Variants in LCMT1 observed in about 807,000 individuals in gnomAD.
The protein encoded by LCMT1 is [Phosphatase 2A protein]-leucine-carboxy methyltransferase 1.
LCMT1 carries 32 observed loss-of-function variants against 47.7 expected under a neutral mutation model. The observed-to-expected ratio is 0.67, with a 90% CI of 0.51 to 0.90. The LOEUF is 0.90. Ranked by LOEUF, LCMT1 falls within the 40% of genes least tolerant of loss-of-function variation. The pLI is 0.00. For missense variants in LCMT1, 375 were observed against 415.2 expected (o/e 0.90, Z 0.84); for synonymous variants, 152 against 149.7 (o/e 1.02, Z -0.11).
In LCMT1 at chr16:25,128,457, C is replaced by CT; in HGVS notation, c.114-12dup. On this transcript the variant is annotated splice_polypyrimidine_tract_variant and intron_variant, in intron 1 of 10. Transcript: ENST00000399069. ...TACTCAATCTCTACTCACCTTCCTCCTTTTTTCTCCCTTCCAGGTTTGCAG... is the reference window on the plus strand; with the variant it reads ...TACTCAATCTCTACTCACCTTCCTCCTTTTTTTCTCCCTTCCAGGTTTGCAG... 1 of 1,586,256 alleles carries CT rather than the reference C, an allele frequency of 6.3e-7. No individual in the cohort carries two copies. Among genetic ancestry groups the CT allele is most frequent in the Non-Finnish European group, 8.6e-7 (1 of 1,162,100 alleles).
At chr16:25,162,588 CA>C (rs542231545) in intron 6 of LCMT1, among the ~76,000 whole-genome samples, 857 of 78,746 alleles carry the variant, frequency 0.011, 2 homozygotes, top group Non-Finnish European at 0.013. Context: ...GACTCCATCT[CA>C]AAAAAAAAAA....
chr16:25,111,919 CT>C lies in LCMT1; in HGVS notation c.37del (p.Cys13AlafsTer29). The C allele has an allele frequency of 6.2e-7, 1 of 1,613,552 alleles. No individual in the cohort carries two copies. Among genetic ancestry groups the C allele is most frequent in the Non-Finnish European group, 8.5e-7 (1 of 1,179,698 alleles). The stretch of plus-strand genomic sequence containing the variant: ...GGCAGAGGGAATCCTCTATCACCTC[CT>C]GCTGTTCCACCTCGAGCTGCGACGC... ...TRQRESSITS[C>X]CSTSSCDADD... On this transcript the variant is annotated frameshift_variant, in exon 1 of 11. Coordinates refer to ENST00000399069, the MANE Select transcript of LCMT1 (RefSeq NM_016309.3). LOFTEE classifies it high-confidence loss of function.
chr16:25,176,483 A>G (rs920544783), intron 10 of LCMT1, among the ~76,000 whole-genome samples: 4 of 142,720 alleles, frequency 2.8e-5, no homozygotes, highest in Admixed American at 7.2e-5. Flanking sequence ...TTGCCTAGCT[A>G]TGCAGCTCAG....
At chr16:25,167,710 T>C (rs888124863) in intron 7 of LCMT1, among the ~76,000 whole-genome samples, 7 of 152,202 alleles carry the variant, frequency 4.6e-5, no homozygotes, top group African/African-American at 1.7e-4. Context: ...AGATTTTGCT[T>C]ACTATATAGC....
In LCMT1 at chr16:25,111,780, C is replaced by T. The variant is rs1282450506; in HGVS notation, c.-104C>T. On this transcript the variant is annotated 5_prime_UTR_variant, in exon 1 of 11. Transcript: ENST00000399069. Reference sequence around the variant, plus strand: ...GCCAGCTGAGCCAGGTAGGGCCCTACCCTCTTCTGTTGCTTTCTCCCTGTG... The same window carrying T: ...GCCAGCTGAGCCAGGTAGGGCCCTATCCTCTTCTGTTGCTTTCTCCCTGTG... 13 of 777,670 alleles carry T rather than the reference C, an allele frequency of 1.7e-5. No homozygotes were observed. The highest frequency in any genetic ancestry group is 8.6e-5 in the African/African-American group (5 of 58,438). 48.2% of individuals were successfully genotyped at this position (777,670 alleles called of 1,614,324 possible). A position where few individuals can be genotyped will look rare whatever the true frequency, so the allele number is the denominator to read the frequency against.
intron 1 of LCMT1, 83 bp from the exon 2 acceptor site, chr16:25,128,392 C>A (rs1236431974): frequency 2.0e-6 from 2 of 995,306 alleles, no homozygotes; most frequent in Non-Finnish European, 3.0e-6. Context: ...GTTCCTTGAT[C>A]TGGTTCCTGG....
chr16:25,124,170 C>G (rs1396288734), intron 1 of LCMT1, among the ~76,000 whole-genome samples: 1 of 152,176 alleles, frequency 6.6e-6, no homozygotes, highest in Non-Finnish European at 1.5e-5. Context: ...TTTCAGGAAA[C>G]TCTACACAGT....
intron 6 of LCMT1, among the ~76,000 whole-genome samples, chr16:25,163,647 A>G (rs1283695028): frequency 6.6e-6 from 1 of 152,152 alleles, no homozygotes; most frequent in East Asian, 1.9e-4. Flanking sequence ...AGCTAATGAC[A>G]TTCGATTGTT....
intron 4 of LCMT1, chr16:25,142,516 C>T (rs1960724747): frequency 6.6e-6 from 1 of 152,256 alleles, no homozygotes; most frequent in African/African-American, 2.4e-5. Context: ...CCCCTCTGAG[C>T]CTGGGGATGA....
At chr16:25,131,185 A>G (rs1960340700) in intron 2 of LCMT1, among the ~76,000 whole-genome samples, 1 of 152,246 alleles carries the variant, frequency 6.6e-6, no homozygotes, top group Non-Finnish European at 1.5e-5. Context: ...TGGGTTCTAT[A>G]AGAAATGCCA....
intron 4 of LCMT1, among the ~76,000 whole-genome samples, chr16:25,150,259 A>G (rs1408375364): frequency 6.7e-6 from 1 of 149,628 alleles, no homozygotes; most frequent in Non-Finnish European, 1.5e-5. Flanking sequence ...AAAGTCTTTT[A>G]TCTAGGAAAG....
intron 5 of LCMT1, chr16:25,160,652 A>C (rs1961397574): frequency 2.2e-6 from 1 of 455,646 alleles, no homozygotes; most frequent in Non-Finnish European, 4.4e-6. Context: ...GAAAACTTAG[A>C]AATACCATGT....
chr16:25,125,448 C>T (rs1597564272), intron 1 of LCMT1, among the ~76,000 whole-genome samples: 1 of 152,192 alleles, frequency 6.6e-6, no homozygotes, highest in African/African-American at 2.4e-5. Flanking sequence ...CTTGTCATCG[C>T]AGTGCCTTGC....
rs1250502988 is a variant in LCMT1 at position 25,161,170 on chromosome 16, G to A, written c.535G>A (p.Glu179Lys). 2.5e-6 allele frequency: 4 copies of A among 1,608,818 alleles called. No homozygotes were observed. The Admixed American group carries it at 5.0e-5, about 20-fold the overall frequency. ...AGATCTCCGAGACCTGTCTGAACTGGAAGAGAAGCTAAAGAAATGTAACAT... is the reference window on the plus strand; with the variant it reads ...AGATCTCCGAGACCTGTCTGAACTGAAAGAGAAGCTAAAGAAATGTAACAT... Reference protein sequence around the residue: ...GADLRDLSELEEKLKKCNMNT... With the variant: ...GADLRDLSELKEKLKKCNMNT... Residue 179 changes from glutamate to lysine, a missense_variant, in exon 6 of 11, where the codon GAA (glutamate) becomes AAA (lysine). By Grantham distance (56) the Glu-to-Lys change is moderately conservative (BLOSUM62 1). Coordinates refer to ENST00000399069, the MANE Select transcript of LCMT1 (RefSeq NM_016309.3).
intron 5 of LCMT1, among the ~76,000 whole-genome samples, chr16:25,157,480 G>T (rs2141692097): frequency 6.6e-6 from 1 of 152,102 alleles, no homozygotes; most frequent in South Asian, 2.1e-4. Context: ...GGTCGAGGCT[G>T]TAATGAGCCA....
chr16:25,130,473 G>A (rs987160360), intron 2 of LCMT1, among the ~76,000 whole-genome samples: 1 of 151,950 alleles, frequency 6.6e-6, no homozygotes, highest in East Asian at 1.9e-4. Flanking sequence ...GCAACATGGT[G>A]AAACCCTGTC....
chr16:25,164,577 C>CT lies in LCMT1; in HGVS notation c.570-14dup, dbSNP rs750872217. ...ACTTGATGATAACAAATTTATGTGC[C>CT]TTTTTTTCCTTATCTTTAAGATTGC... is the stretch of plus-strand genomic sequence containing the variant. On this transcript the variant is annotated intron_variant, in intron 6 of 10. Transcript: ENST00000399069. The CT allele has an allele frequency of 2.5e-6, 4 of 1,613,678 alleles. No individual in the cohort carries two copies. In the South Asian group the frequency reaches 3.3e-5, roughly 13 times the overall value.
At chr16:25,138,408 G>A (rs145543129) in intron 3 of LCMT1, among the ~76,000 whole-genome samples, 3 of 152,184 alleles carry the variant, frequency 2.0e-5, no homozygotes, top group Admixed American at 6.5e-5. Context: ...GCTGGATAGC[G>A]AGGAGGGCAC....
At chr16:25,138,757 CGTT>C (rs2141661223) in intron 3 of LCMT1, among the ~76,000 whole-genome samples, 1 of 152,258 alleles carries the variant, frequency 6.6e-6, no homozygotes, top group Non-Finnish European at 1.5e-5. Flanking sequence ...CTTTCCAGCA[CGTT>C]GTGCAGTATT....
Sources: allele counts gnomAD v4.1 joint callset (sites outside exome capture counted in the v4.1 genomes callset), GRCh38; gene constraint gnomAD v4.1.1; transcripts MANE v1.5; gene names NCBI Gene and HGNC (gene_info 2026-07-23, HGNC 2026-07-21).